Variants in DENND2D observed in about 807,000 individuals in gnomAD.
The protein encoded by DENND2D is DENN domain containing 2D.
A neutral mutation model predicts 59.8 loss-of-function variants in DENND2D; 37 were observed. The observed-to-expected ratio is 0.62, with a 90% CI of 0.48 to 0.81. The LOEUF (loss-of-function observed/expected upper bound fraction) is 0.81, where lower values mean the gene tolerates loss of function less well. DENND2D is among the 40% of genes least tolerant of loss of function. The pLI is 0.00. For synonymous variants in DENND2D, 219 were observed against 211.3 expected, an observed-to-expected ratio of 1.04 and a Z score of -0.31; for missense variants, 525 against 579.7, an observed-to-expected ratio of 0.91 and a Z score of 0.97.
intron 7 of DENND2D, 92 bp downstream of exon 7, chr1:111,194,486 A>G: frequency 6.8e-7 from 1 of 1,469,748 alleles, no homozygotes; most frequent in Non-Finnish European, 9.3e-7. Flanking sequence ...CATGGACCCT[A>G]CAGCCCATTT....
At chr1:111,189,289 T>G in intron 8 of DENND2D, 36 bp from the exon 9 acceptor site, 1 of 1,612,808 alleles carries the variant, frequency 6.2e-7, no homozygotes, top group Non-Finnish European at 8.5e-7. Flanking sequence ...TCTGGTCCTC[T>G]TTCTTCATAG....
intron 3 of DENND2D, among the ~76,000 whole-genome samples, chr1:111,198,366 C>T (rs911207859): frequency 2.6e-5 from 4 of 152,180 alleles, no homozygotes; most frequent in Non-Finnish European, 5.9e-5. Context: ...CCAGCTTGGG[C>T]CAGTAGCAGA....
Position 111,198,610 on chromosome 1 carries a change from G to T in DENND2D, c.356+20C>A. The T allele has an allele frequency of 6.2e-7, 1 of 1,609,952 alleles. No individual in the cohort carries two copies. On this transcript the variant is annotated intron_variant, in intron 3 of 11. Transcript: ENST00000357640. ...CCTTCTCCCCAAATCCAATACCCTT[G>T]CCCAGGGCTGAGCAATTACCTGGGA...
At chr1:111,194,784 C>G in intron 6 of DENND2D, 58 bp from the exon 7 acceptor site, 1 of 1,588,476 alleles carries the variant, frequency 6.3e-7, no homozygotes. Context: ...ATGCAGACCC[C>G]GAGGTGCTAG....
chr1:111,198,570 G>A (rs981135696), intron 3 of DENND2D, 60 bp downstream of exon 3: 4 of 1,525,560 alleles, frequency 2.6e-6, no homozygotes, highest in Non-Finnish European at 2.7e-6. Flanking sequence ...AGGAGCCACA[G>A]AACTCACACA....
intron 5 of DENND2D, 93 bp downstream of exon 5, chr1:111,197,083 G>A: frequency 7.2e-7 from 1 of 1,383,524 alleles, no homozygotes; most frequent in Non-Finnish European, 1.0e-6. Flanking sequence ...GGCTATGGGA[G>A]AAGAGCTCCA....
chr1:111,194,805 G>A lies in DENND2D; in HGVS notation c.646-79C>T, dbSNP rs1004968838. 5 of 1,502,048 alleles carry A rather than the reference G, an allele frequency of 3.3e-6. No homozygotes were observed. The African/African-American group carries it at 7.0e-5, about 21-fold the overall frequency. The allele number at this position is 1,502,048 out of a possible 1,614,324, so 93.0% of individuals were successfully genotyped here. On this transcript the variant is annotated intron_variant, in intron 6 of 11. Coordinates refer to ENST00000357640, the MANE Select transcript of DENND2D (RefSeq NM_024901.5). ...ACCCCGAGGTGCTAGGCCTCTACCA[G>A]CCTCTATTCCTTCTGCCCCCAGGAG...
At chr1:111,194,478 T>A in intron 7 of DENND2D, 100 bp downstream of exon 7, 7 of 1,392,676 alleles carry the variant, frequency 5.0e-6, no homozygotes, top group Non-Finnish European at 5.9e-6. Context: ...GGTGGGCGCA[T>A]GGACCCTACA....
At chr1:111,197,364 A>G (rs1658341860) in intron 4 of DENND2D, 111 bp from the exon 5 acceptor site, 1 of 1,517,762 alleles carries the variant, frequency 6.6e-7, no homozygotes, top group East Asian at 2.5e-5. Context: ...TTTATGGGGA[A>G]TGGTGGGTGC....
chr1:111,203,758 G>A (rs550318280), upstream of DENND2D, among the ~76,000 whole-genome samples: 109 of 152,336 alleles, frequency 7.2e-4, no homozygotes, highest in Non-Finnish European at 1.4e-3. Context: ...CACTCTGAAG[G>A]GCACCTGGCC....
intron 8 of DENND2D, among the ~76,000 whole-genome samples, chr1:111,190,858 A>G (rs980848572): frequency 3.3e-5 from 5 of 152,220 alleles, no homozygotes; most frequent in Non-Finnish European, 4.4e-5. Flanking sequence ...CCACTTGTAT[A>G]CATAGGCTCA....
At position 111,188,740 on chromosome 1, in the gene DENND2D, A is replaced by G; in HGVS notation, c.1061T>C (p.Ile354Thr). ...DILPPKLQDD[I>T]LDSLGQGINE... ...GATCCCCTGACCAAGAGAGTCTAAG[A>G]TGTCATCCTGAAGCTTCGGTGGCAG... is the stretch of plus-strand genomic sequence containing the variant. Residue 354 changes from isoleucine to threonine, a missense_variant, in exon 10 of 12, where the codon ATC becomes ACC. Physicochemically the swap from Ile to Thr is moderately conservative, Grantham distance 89. Coordinates refer to ENST00000357640, the MANE Select transcript of DENND2D (RefSeq NM_024901.5). The G allele has an allele frequency of 6.2e-7, 1 of 1,614,166 alleles. No individual in the cohort carries two copies. Among genetic ancestry groups the G allele is most frequent in the Non-Finnish European group, 8.5e-7 (1 of 1,180,010 alleles).
At position 111,188,766 on chromosome 1, in the gene DENND2D, G is replaced by A. The variant is rs1171987115; in HGVS notation, c.1035C>T (p.Ile345=). 1 of 1,613,938 alleles carries A rather than the reference G, an allele frequency of 6.2e-7. No homozygotes were observed. Among genetic ancestry groups the A allele is most frequent in the African/African-American group, 1.3e-5 (1 of 74,874 alleles). Residue 345 remains isoleucine, a synonymous_variant, in exon 10 of 12, where the codon ATC becomes ATT. Transcript: ENST00000357640. ...TGTCATCCTGAAGCTTCGGTGGCAG[G>A]ATGTCTTTTTCATCACCAACCTAGA... ...FLMSVGDEKD[I]LPPKLQDDIL... is the part of the protein sequence containing the mutation.
chr1:111,203,714 TGC>T (rs1571209407), upstream of DENND2D, among the ~76,000 whole-genome samples: 1 of 152,178 alleles, frequency 6.6e-6, no homozygotes, highest in East Asian at 1.9e-4. Flanking sequence ...AAGCAGCAGC[TGC>T]GCAGGTTCTA....
intron 7 of DENND2D, among the ~76,000 whole-genome samples, chr1:111,193,929 G>T (rs1413597451): frequency 1.3e-5 from 2 of 152,240 alleles, no homozygotes; most frequent in African/African-American, 4.8e-5. Context: ...TATGTGCTCA[G>T]CAGGGTGTTA....
At chr1:111,194,761 A>C (rs1379312146) in intron 6 of DENND2D, 35 bp from the exon 7 acceptor site, 2 of 1,610,398 alleles carry the variant, frequency 1.2e-6, no homozygotes, top group Non-Finnish European at 1.7e-6. Context: ...AGGTGTCACT[A>C]TACTGCAAGA....
rs1019653357 is a variant in DENND2D, at chr1:111,198,502, C to T, written c.356+128G>A. The T allele has an allele frequency of 4.5e-6, 4 of 891,620 alleles. No individual in the cohort carries two copies. The African/African-American group carries it at 6.6e-5, about 15-fold the overall frequency. The allele number at this position is 891,620 out of a possible 1,614,324, so 55.2% of individuals were successfully genotyped here. A position where few individuals can be genotyped will look rare whatever the true frequency, so the allele number is the denominator to read the frequency against. ...GGACCCCAGGCCAGATGTTTTCAAA[C>T]AAATCAATTACACTCCCAGGCCGAA... On this transcript the variant is annotated intron_variant, in intron 3 of 11. Transcript: ENST00000357640.
rs555773133 is a variant in DENND2D, at chr1:111,188,044, C to G, written c.1339+87G>C. ...CTACCTACAGCTATTTTGTGGGTTTCTAAAGAGAAGTATTCTTTCTTTCCC... is the reference window on the plus strand; with the variant it reads ...CTACCTACAGCTATTTTGTGGGTTTGTAAAGAGAAGTATTCTTTCTTTCCC... On this transcript the variant is annotated intron_variant, in intron 11 of 11. Transcript: ENST00000357640. The G allele has an allele frequency of 1.5e-5, 23 of 1,532,930 alleles. No individual in the cohort carries two copies. In the South Asian group the frequency reaches 2.8e-4, roughly 19 times the overall value. 95.0% of individuals were successfully genotyped at this position (1,532,930 alleles called of 1,614,324 possible).
rs1209321771 is a variant in DENND2D at position 111,186,345 on chromosome 1, G to A, written c.*1260C>T. 6.6e-6 allele frequency among the ~76,000 whole-genome samples: 1 copy of A among 152,164 alleles called. No individual in the cohort carries two copies. Among genetic ancestry groups the A allele is most frequent in the Admixed American group, 6.5e-5 (1 of 15,278 alleles). On this transcript the variant is annotated 3_prime_UTR_variant, in exon 12 of 12. Transcript: ENST00000357640. ...AGAAGCTGTGAAGAATAGTAGTGTA[G>A]CTAAGCACGGTGTGTGGACAGTGGG...
Sources: allele counts gnomAD v4.1 joint callset (sites outside exome capture counted in the v4.1 genomes callset), GRCh38; gene constraint gnomAD v4.1.1; transcripts MANE v1.5; gene names NCBI Gene and HGNC (gene_info 2026-07-23, HGNC 2026-07-21).